The following PHEX variants were observed in gnomAD, a reference collection of about 807,000 sequenced individuals.
The protein encoded by PHEX is phosphate-regulating neutral endopeptidase PHEX.
In PHEX, 16 loss-of-function variants were observed where a neutral mutation model predicts 68.0. The observed-to-expected ratio is 0.24, with a 90% confidence interval of 0.16 to 0.36. The LOEUF is 0.36. Among genes scored for constraint, PHEX ranks in the 10% least tolerant of loss-of-function variants. PHEX has a pLI of 1.00. For synonymous variants in PHEX, 208 were observed against 205.1 expected (o/e 1.01, Z -0.12); for missense variants, 480 against 575.5 (o/e 0.83, Z 1.70).
At chrX:22,047,955 G>T (rs1927620157) in intron 3 of PHEX, among the ~76,000 whole-genome samples, 1 of 103,207 alleles carries the variant, frequency 9.7e-6, no homozygotes, top group Non-Finnish European at 2.0e-5. Flanking sequence ...AAATAGTATG[G>T]TTTTTTTTTT....
At chrX:22,033,976 G>T (rs1926906835) in intron 1 of PHEX, among the ~76,000 whole-genome samples, 2 of 112,202 alleles carry the variant, frequency 1.8e-5, no homozygotes, top group African/African-American at 6.5e-5. Context: ...CCTGCAGGAG[G>T]CCATGTTTAT....
At chrX:22,047,805 A>G (rs1224307283) in intron 3 of PHEX, among the ~76,000 whole-genome samples, 2 of 111,878 alleles carry the variant, frequency 1.8e-5, no homozygotes, top group Non-Finnish European at 3.8e-5. Context: ...GCCCCCCGCC[A>G]AAGTTGGAAA....
chrX:22,041,265 C>CTCTCTCTCTATATATATATA (rs1468778300), intron 2 of PHEX, among the ~76,000 whole-genome samples: 5 of 72,819 alleles, frequency 6.9e-5, no homozygotes, highest in African/African-American at 3.2e-4. Context: ...CTCTCTCTCT[C>CTCTCTCTCTATATATATATA]TATATATATA....
chrX:22,092,852 C>T (rs939318494), intron 6 of PHEX, among the ~76,000 whole-genome samples: 1 of 102,268 alleles, frequency 9.8e-6, no homozygotes, highest in East Asian at 3.1e-4. Flanking sequence ...TGGGTTCAAG[C>T]GATTCTGCTA....
At chrX:22,123,464 C>T (rs1931576397) in intron 11 of PHEX, among the ~76,000 whole-genome samples, 1 of 111,392 alleles carries the variant, frequency 9.0e-6, no homozygotes, top group Admixed American at 9.6e-5. Context: ...TAGCATAATA[C>T]CTGGTACACA....
intron 11 of PHEX, among the ~76,000 whole-genome samples, chrX:22,116,120 C>G (rs757847244): frequency 8.9e-6 from 1 of 111,781 alleles, no homozygotes; most frequent in South Asian, 3.7e-4. Context: ...TTTGCCAACA[C>G]TTACCTCTTA....
chrX:22,241,703 C>G (rs955843986), intron 20 of PHEX, among the ~76,000 whole-genome samples: 1 of 111,938 alleles, frequency 8.9e-6, no homozygotes, highest in African/African-American at 3.3e-5. Context: ...GGCACATACA[C>G]CCTCCCAAGA....
intron 15 of PHEX, among the ~76,000 whole-genome samples, chrX:22,195,594 C>CA (rs61581933): frequency 2.0e-3 from 155 of 79,453 alleles, no homozygotes; most frequent in South Asian, 5.9e-3. Flanking sequence ...GACTCTGTCT[C>CA]AAAAAAAAAA....
At chrX:22,228,104 A>T (rs1168796751) in intron 20 of PHEX, among the ~76,000 whole-genome samples, 7 of 111,946 alleles carry the variant, frequency 6.3e-5, no homozygotes, top group African/African-American at 2.3e-4. Context: ...AGGCAAGGAG[A>T]GTCATGTCAC....
rs148811757 is a variant in PHEX, at chrX:22,132,661, A to G, written c.1303-862A>G. ...CTGTTCACTTTCTTCTGCAATACCTATCTGAAATGCACAGCCCATGCCTTT... is the reference window on the plus strand; with the variant it reads ...CTGTTCACTTTCTTCTGCAATACCTGTCTGAAATGCACAGCCCATGCCTTT... On this transcript the variant is annotated intron_variant, in intron 11 of 21. Coordinates refer to ENST00000379374, the MANE Select transcript of PHEX (RefSeq NM_000444.6). Among the ~76,000 whole-genome samples the G allele has an allele frequency of 3.5e-3, 385 of 111,287 alleles. 2 individuals are homozygous for G. The highest frequency in any genetic ancestry group is 0.012 in the African/African-American group (368 of 30,648).
chrX:22,205,684 AATTATT>A (rs67311437), intron 15 of PHEX, among the ~76,000 whole-genome samples: 44 of 107,981 alleles, frequency 4.1e-4, no homozygotes, highest in Admixed American at 6.0e-4. Flanking sequence ...ATTAATATTA[AATTATT>A]ATTATTAATA....
At chrX:22,145,270 T>C (rs187978242) in intron 12 of PHEX, among the ~76,000 whole-genome samples, 2 of 111,931 alleles carry the variant, frequency 1.8e-5, no homozygotes, top group Admixed American at 1.9e-4. Context: ...CCACACCCCA[T>C]ATGAAGATCA....
At chrX:22,214,064 T>A (rs1303516610) in intron 16 of PHEX, among the ~76,000 whole-genome samples, 2 of 112,410 alleles carry the variant, frequency 1.8e-5, no homozygotes, top group East Asian at 5.5e-4. Flanking sequence ...CATAAACTTA[T>A]AAGCTTATAG....
At chrX:22,141,354 G>C (rs1424652956) in intron 12 of PHEX, among the ~76,000 whole-genome samples, 2 of 111,628 alleles carry the variant, frequency 1.8e-5, no homozygotes, top group Non-Finnish European at 3.8e-5. Flanking sequence ...TCTAGGTATA[G>C]TGTAACTCAC....
chrX:22,131,276 A>G (rs774740845), intron 11 of PHEX, among the ~76,000 whole-genome samples: 2 of 111,403 alleles, frequency 1.8e-5, no homozygotes, highest in Admixed American at 9.5e-5. Flanking sequence ...CCTGACCTCA[A>G]GTAATCTGCC....
In PHEX at chrX:22,250,049, A is replaced by T. The variant is rs989401908; in HGVS notation, c.*2096A>T. ...TGAGAAGCTTACCTTATCCTGATTA[A>T]CTTTACTTGCTGTAACTGTTATACC... On this transcript the variant is annotated 3_prime_UTR_variant, in exon 22 of 22. Coordinates refer to ENST00000379374, the MANE Select transcript of PHEX (RefSeq NM_000444.6). 1.8e-5 allele frequency: 2 copies of T among 111,849 alleles called. No individual in the cohort carries two copies. The highest frequency in any genetic ancestry group is 6.5e-5 in the African/African-American group (2 of 30,724). The allele number at this position is 111,849 out of a possible 1,213,427, so 9.2% of individuals were successfully genotyped here. A position where few individuals can be genotyped will look rare whatever the true frequency, so the allele number is the denominator to read the frequency against.
intron 20 of PHEX, among the ~76,000 whole-genome samples, chrX:22,242,442 A>AAG (rs1434192676): frequency 9.0e-6 from 1 of 111,590 alleles, no homozygotes; most frequent in East Asian, 2.8e-4. Context: ...ATCAGGCAAG[A>AAG]GAAATAAAGG....
chrX:22,143,880 T>C (rs1218508033), intron 12 of PHEX, among the ~76,000 whole-genome samples: 1 of 112,433 alleles, frequency 8.9e-6, no homozygotes, highest in African/African-American at 3.2e-5. Flanking sequence ...TATTCATAGC[T>C]GAAATACTAT....
chrX:22,244,729 A>G (rs12216932), intron 20 of PHEX, among the ~76,000 whole-genome samples: 33,537 of 111,216 alleles, frequency 0.3, 3,868 homozygotes, highest in Middle Eastern at 0.38. Flanking sequence ...AGCATCTTAA[A>G]TTGTTCTTAA....
Sources: allele counts gnomAD v4.1 joint callset (sites outside exome capture counted in the v4.1 genomes callset), GRCh38; gene constraint gnomAD v4.1.1; transcripts MANE v1.5; gene names NCBI Gene and HGNC (gene_info 2026-07-23, HGNC 2026-07-21).